Variants in BIN1 observed in about 807,000 individuals in gnomAD.
The protein encoded by BIN1 is bridging integrator 1, also known as myc box-dependent-interacting protein 1.
In BIN1, 53 loss-of-function variants were observed where a neutral mutation model predicts 82.0. The ratio of observed to expected loss-of-function variants is 0.65; its 90% CI spans 0.52 to 0.81. The LOEUF (loss-of-function observed/expected upper bound fraction) is 0.81, where lower values mean the gene tolerates loss of function less well. Among genes scored for constraint, BIN1 ranks in the 40% least tolerant of loss-of-function variants. The pLI is 0.00. For synonymous variants in BIN1, 302 were observed against 328.0 expected (o/e 0.92, Z 0.86); for missense variants, 642 against 784.4 (o/e 0.82, Z 2.17).
rs569750818 is a variant in BIN1, at chr2:127,057,670, G to A, written c.1003-69C>T. 40 of 1,440,988 alleles carry A rather than the reference G, an allele frequency of 2.8e-5. 1 individual carries two copies. The highest frequency in any genetic ancestry group is 1.2e-4 in the South Asian group (8 of 67,334). The allele number at this position is 1,440,988 out of a possible 1,614,324, so 89.3% of individuals were successfully genotyped here. A position where few individuals can be genotyped will look rare whatever the true frequency, so the allele number is the denominator to read the frequency against. On this transcript the variant is annotated intron_variant, in intron 11 of 18. Coordinates refer to ENST00000316724, the MANE Select transcript of BIN1 (RefSeq NM_139343.3). This position sits in a 1 kb window ranked among gnomAD's most constrained non-coding sequence, Gnocchi z 5.0. ...CAGAGCACGGGGTTTGGGGGAGACA[G>A]ACAGAGACAAAGCCACGGTTAGTCA...
rs1459014322 is a variant in BIN1 at position 127,093,950 on chromosome 2, G to A, written c.84+12910C>T. 1.3e-5 allele frequency among the ~76,000 whole-genome samples: 2 copies of A among 152,180 alleles called. No individual in the cohort carries two copies. The highest frequency in any genetic ancestry group is 4.8e-5 in the African/African-American group (2 of 41,448). ...TAAACTCAGACAGGACGGCCCTAGA[G>A]GATACACACGGAGGGCATGGGTGCA... On this transcript the variant is annotated intron_variant, in intron 1 of 18. Coordinates refer to ENST00000316724, the MANE Select transcript of BIN1 (RefSeq NM_139343.3). The surrounding 1 kb of genome is among the most constrained non-coding windows in gnomAD (Gnocchi z 5.7).
intron 17 of BIN1, 35 bp from the exon 18 acceptor site, chr2:127,050,557 G>A (rs780407368): frequency 1.7e-5 from 27 of 1,609,184 alleles, no homozygotes; most frequent in East Asian, 6.7e-5. Flanking sequence ...CAGACCTTCC[G>A]TCCCACCTCC....
chr2:127,048,126 G>T lies in BIN1; in HGVS notation c.*400C>A. 3.3e-6 allele frequency: 1 copy of T among 304,214 alleles called. No homozygotes were observed. Among genetic ancestry groups the T allele is most frequent in the East Asian group, 8.7e-5 (1 of 11,534 alleles). 18.8% of individuals were successfully genotyped at this position (304,214 alleles called of 1,614,324 possible). On this transcript the variant is annotated 3_prime_UTR_variant, in exon 19 of 19. Coordinates refer to ENST00000316724, the MANE Select transcript of BIN1 (RefSeq NM_139343.3). ...ACAGACCGTCTGCGGGGCAGAGCCA[G>T]GCTAGGCTGGTGTCTGGGCCCCACC...
At chr2:127,076,496 A>G (rs926412671) in intron 2 of BIN1, 130 bp downstream of exon 2, 12 of 1,068,982 alleles carry the variant, frequency 1.1e-5, no homozygotes, top group Admixed American at 3.4e-5. Context: ...GAAGTCTTAC[A>G]TGATCTTGTC....
At chr2:127,064,282 G>A (rs537673762) in intron 7 of BIN1, among the ~76,000 whole-genome samples, 2 of 152,356 alleles carry the variant, frequency 1.3e-5, no homozygotes, top group East Asian at 1.9e-4. Flanking sequence ...GGCAGTGAGC[G>A]TGGAGTAGGG....
Position 127,082,080 on chromosome 2 carries a change from G to A in BIN1, c.85-5374C>T, listed in dbSNP as rs1687369354. 6.6e-6 allele frequency among the ~76,000 whole-genome samples: 1 copy of A among 152,158 alleles called. No individual in the cohort carries two copies. The highest frequency in any genetic ancestry group is 2.4e-5 in the African/African-American group (1 of 41,428). On this transcript the variant is annotated intron_variant, in intron 1 of 18. Coordinates refer to ENST00000316724, the MANE Select transcript of BIN1 (RefSeq NM_139343.3). The surrounding 1 kb of genome is among the most constrained non-coding windows in gnomAD (Gnocchi z 6.1). Reference sequence around the variant, plus strand: ...AGGCTTTCTCTGGGCCCAGTCCCGAGGGAGACACCCCAAGAGGCGAAAGGG... The same window carrying A: ...AGGCTTTCTCTGGGCCCAGTCCCGAAGGAGACACCCCAAGAGGCGAAAGGG...
chr2:127,065,662 C>T (rs954474793), intron 7 of BIN1, among the ~76,000 whole-genome samples: 1 of 152,176 alleles, frequency 6.6e-6, no homozygotes, highest in Non-Finnish European at 1.5e-5. Flanking sequence ...GAGGATGCAG[C>T]CACCACCCCC....
Position 127,050,516 on chromosome 2 carries a change from C to T in BIN1, c.1579G>A (p.Ala527Thr). ...TCAGTGGCCGTGTAGTCGTGCTGGGCCTGTACCTGCAGAGGATGCGGATCG... is the reference window on the plus strand; with the variant it reads ...TCAGTGGCCGTGTAGTCGTGCTGGGTCTGTACCTGCAGAGGATGCGGATCG... ...LPPGFMFKVQ[A>T]QHDYTATDTD... The change falls in exon 18 of 19, where the codon GCC (alanine) becomes ACC (threonine). Residue 527 changes from alanine to threonine, a missense_variant. Ala to Thr is a moderately conservative substitution (Grantham distance 58). Coordinates refer to ENST00000316724, the MANE Select transcript of BIN1 (RefSeq NM_139343.3). 6.2e-7 allele frequency: 1 copy of T among 1,614,248 alleles called. No individual in the cohort carries two copies. Among genetic ancestry groups the T allele is most frequent in the Non-Finnish European group, 8.5e-7 (1 of 1,180,048 alleles).
chr2:127,106,047 C>T (rs1403715960), intron 1 of BIN1, among the ~76,000 whole-genome samples: 1 of 152,246 alleles, frequency 6.6e-6, no homozygotes, highest in Non-Finnish European at 1.5e-5. Flanking sequence ...GCCCCGGCTC[C>T]ATCCCCCATT....
At chr2:127,100,087 G>A (rs1021688131) in intron 1 of BIN1, among the ~76,000 whole-genome samples, 2 of 152,218 alleles carry the variant, frequency 1.3e-5, no homozygotes, top group African/African-American at 2.4e-5. Context: ...TTACAGGCAT[G>A]AGCCACCGCA....
In BIN1 at chr2:127,082,050, C is replaced by T. The variant is rs1313549399; in HGVS notation, c.85-5344G>A. 6.6e-6 allele frequency among the ~76,000 whole-genome samples: 1 copy of T among 152,122 alleles called. No homozygotes were observed. The highest frequency in any genetic ancestry group is 1.9e-4 in the East Asian group (1 of 5,182). Reference sequence around the variant, plus strand: ...AGGGGGAAGGCCACTGTCAGACACCCGGCCAGGCTTTCTCTGGGCCCAGTC... The same window carrying T: ...AGGGGGAAGGCCACTGTCAGACACCTGGCCAGGCTTTCTCTGGGCCCAGTC... On this transcript the variant is annotated intron_variant, in intron 1 of 18. Transcript: ENST00000316724. This position sits in a 1 kb window ranked among gnomAD's most constrained non-coding sequence, Gnocchi z 6.1.
chr2:127,081,753 G>T, intron 1 of BIN1: 1 of 1,266,112 alleles, frequency 7.9e-7, no homozygotes, highest in Non-Finnish European at 1.0e-6. Flanking sequence ...CATGGAAGGG[G>T]GACCTCATCC....
At chr2:127,050,968 G>T in intron 16 of BIN1, 56 bp from the exon 17 acceptor site, 1 of 1,563,812 alleles carries the variant, frequency 6.4e-7, no homozygotes, top group Non-Finnish European at 8.8e-7. Flanking sequence ...GACAGCCAGG[G>T]CCACCGAGGA....
chr2:127,068,405 A>C lies in BIN1; in HGVS notation c.520-150T>G. 4.6e-5 allele frequency: 23 copies of C among 502,550 alleles called. No homozygotes were observed. The highest frequency in any genetic ancestry group is 8.3e-5 in the East Asian group (2 of 24,060). 31.1% of individuals were successfully genotyped at this position (502,550 alleles called of 1,614,324 possible). On this transcript the variant is annotated intron_variant, in intron 6 of 18. Coordinates refer to ENST00000316724, the MANE Select transcript of BIN1 (RefSeq NM_139343.3). The surrounding 1 kb of genome is among the most constrained non-coding windows in gnomAD (Gnocchi z 4.9). Reference sequence around the variant, plus strand: ...ATGGGCCCTTGAGGCCGAGAGAATTAGGGGGAGCCCGGGGGGTAAGGAAAG... The same window carrying C: ...ATGGGCCCTTGAGGCCGAGAGAATTCGGGGGAGCCCGGGGGGTAAGGAAAG...
intron 1 of BIN1, 139 bp downstream of exon 1, chr2:127,106,721 C>A (rs1488129975): frequency 9.1e-7 from 1 of 1,098,590 alleles, no homozygotes; most frequent in African/African-American, 1.6e-5. Context: ...CTCGAAGCCC[C>A]TCGAAAGCGC....
intron 15 of BIN1, among the ~76,000 whole-genome samples, chr2:127,051,500 C>T (rs912247872): frequency 1.2e-4 from 18 of 152,226 alleles, no homozygotes; most frequent in African/African-American, 3.6e-4. Flanking sequence ...GTGAAGAAGC[C>T]CAGTGCAAGC....
chr2:127,069,465 T>C (rs1324447138), intron 5 of BIN1, among the ~76,000 whole-genome samples: 2 of 152,032 alleles, frequency 1.3e-5, no homozygotes, highest in Non-Finnish European at 2.9e-5. Flanking sequence ...CATGTGCACG[T>C]TACCGGGGAC....
rs552743451 is a variant in BIN1 at position 127,058,619 on chromosome 2, T to C, written c.1002+392A>G. 1.8e-3 allele frequency among the ~76,000 whole-genome samples: 270 copies of C among 152,172 alleles called. 2 individuals are homozygous for C. Among genetic ancestry groups the C allele is most frequent in the African/African-American group, 6.3e-3 (263 of 41,514 alleles). On this transcript the variant is annotated intron_variant, in intron 11 of 18. Coordinates refer to ENST00000316724, the MANE Select transcript of BIN1 (RefSeq NM_139343.3). ...CTTGGGCTCCTCCCTCAGGCCCCTTTAAGAGAGAGAGGCCAGGAAGAGGGA... is the reference window on the plus strand; with the variant it reads ...CTTGGGCTCCTCCCTCAGGCCCCTTCAAGAGAGAGAGGCCAGGAAGAGGGA...
chr2:127,069,871 C>T (rs1685652609), intron 5 of BIN1, 124 bp downstream of exon 5: 11 of 977,908 alleles, frequency 1.1e-5, no homozygotes, highest in East Asian at 8.0e-5. Flanking sequence ...GGTGAAACAC[C>T]GGGCCAGGCG....
Sources: gnomAD v4.1 joint callset for allele counts (sites outside exome capture counted in the v4.1 genomes callset) on GRCh38, gnomAD v4.1.1 for gene constraint, Gnocchi (gnomAD v3.1) non-coding constraint, MANE v1.5 for transcripts, NCBI Gene and HGNC (gene_info 2026-07-23, HGNC 2026-07-21) for gene names.